The following NRXN3 variants were observed in gnomAD, a reference collection of about 807,000 sequenced individuals.
NRXN3 encodes the protein neurexin 3, also known as neurexin III.
In NRXN3, 32 loss-of-function variants were observed where a neutral mutation model predicts 137.6. That is an observed-to-expected ratio of 0.23 (90% CI 0.18 to 0.31). The LOEUF (loss-of-function observed/expected upper bound fraction) is 0.31, where lower values mean the gene tolerates loss of function less well. Among genes scored for constraint, NRXN3 ranks in the 10% least tolerant of loss-of-function variants. The probability of loss-of-function intolerance (pLI) is 1.00; values close to 1 mark genes in which losing one functional copy is unlikely to be tolerated. For missense variants in NRXN3, 1,574 were observed against 2,062.5 expected, an observed-to-expected ratio of 0.76 and a Z score of 4.59; for synonymous variants, 798 against 784.5, an observed-to-expected ratio of 1.02 and a Z score of -0.29.
At chr14:79,612,355 T>C (rs1033866034) in intron 16 of NRXN3, among the ~76,000 whole-genome samples, 2 of 152,172 alleles carry the variant, frequency 1.3e-5, no homozygotes, top group East Asian at 1.9e-4. Context: ...GGCTAACACA[T>C]TTCCAGTGGA....
intron 16 of NRXN3, among the ~76,000 whole-genome samples, chr14:79,547,848 G>A (rs190967772): frequency 3.2e-3 from 487 of 152,186 alleles, no homozygotes; most frequent in African/African-American, 5.5e-3. Context: ...ATGGCCTATC[G>A]TTTTGAATTT....
intron 15 of NRXN3, among the ~76,000 whole-genome samples, chr14:79,218,472 A>G (rs2068925245): frequency 6.6e-6 from 1 of 152,188 alleles, no homozygotes; most frequent in African/African-American, 2.4e-5. Flanking sequence ...TGGAGTATAT[A>G]GGAATGAACA....
At chr14:79,552,471 T>C (rs574587067) in intron 16 of NRXN3, among the ~76,000 whole-genome samples, 3 of 152,228 alleles carry the variant, frequency 2.0e-5, no homozygotes, top group South Asian at 2.1e-4. Context: ...GAAGGGACTT[T>C]TAAGTTTGCT....
At chr14:78,522,563 C>T (rs1241170809) in intron 4 of NRXN3, among the ~76,000 whole-genome samples, 1 of 152,020 alleles carries the variant, frequency 6.6e-6, no homozygotes, top group Non-Finnish European at 1.5e-5. Flanking sequence ...ATCTTTTTTT[C>T]CTTTGCACCA....
chr14:79,768,534 G>C (rs929999722), intron 19 of NRXN3, among the ~76,000 whole-genome samples: 1 of 152,076 alleles, frequency 6.6e-6, no homozygotes, highest in African/African-American at 2.4e-5. Context: ...ACATGGCAGG[G>C]TACTCCAACG....
intron 10 of NRXN3, among the ~76,000 whole-genome samples, chr14:78,838,416 A>G (rs1199387068): frequency 6.6e-6 from 1 of 152,322 alleles, no homozygotes; most frequent in East Asian, 1.9e-4. Flanking sequence ...ATATAAAATT[A>G]AAATCCTATG....
chr14:78,877,803 C>T (rs2099117386), intron 10 of NRXN3, among the ~76,000 whole-genome samples: 1 of 152,032 alleles, frequency 6.6e-6, no homozygotes, highest in Non-Finnish European at 1.5e-5. Flanking sequence ...TTCATTCATC[C>T]CATTATTTAA....
At chr14:78,172,636 C>G (rs375365798) in intron 1 of NRXN3, among the ~76,000 whole-genome samples, 29 of 152,162 alleles carry the variant, frequency 1.9e-4, no homozygotes, top group African/African-American at 6.7e-4. Flanking sequence ...TCCTGCGAGT[C>G]AGTCTTCCTT....
intron 4 of NRXN3, among the ~76,000 whole-genome samples, chr14:78,380,360 T>G: frequency 6.6e-6 from 1 of 151,048 alleles, no homozygotes. Flanking sequence ...CTGGAATCTG[T>G]GAATGCTACC....
chr14:79,385,204 T>C (rs1249701315), intron 15 of NRXN3, among the ~76,000 whole-genome samples: 11 of 90,542 alleles, frequency 1.2e-4, no homozygotes, highest in African/African-American at 1.8e-4. Flanking sequence ...ATGCTATCCT[T>C]CCCCCCGCCC....
At chr14:79,075,106 G>A (rs1260261506) in intron 15 of NRXN3, among the ~76,000 whole-genome samples, 1 of 152,070 alleles carries the variant, frequency 6.6e-6, no homozygotes, top group South Asian at 2.1e-4. Context: ...AAATCAAATG[G>A]TGTCAGAGCT....
intron 8 of NRXN3, among the ~76,000 whole-genome samples, chr14:78,761,014 C>T (rs2098690690): frequency 2.0e-5 from 3 of 152,146 alleles, no homozygotes; most frequent in Non-Finnish European, 1.5e-5. Flanking sequence ...TTCTGAGCAA[C>T]TCATGTTTCA....
Position 79,520,120 on chromosome 14 carries a change from T to C in NRXN3, c.3444+52718T>C, listed in dbSNP as rs537415718. 1.8e-3 allele frequency among the ~76,000 whole-genome samples: 280 copies of C among 152,236 alleles called. 1 individual carries two copies. The highest frequency in any genetic ancestry group is 6.1e-3 in the African/African-American group (254 of 41,562). Reference sequence around the variant, plus strand: ...TCTGACACCTTCATTGCGAATTTCATCTTTTAACATTTTAAACAAAAAGGT... The same window carrying C: ...TCTGACACCTTCATTGCGAATTTCACCTTTTAACATTTTAAACAAAAAGGT... On this transcript the variant is annotated intron_variant, in intron 16 of 20. Transcript: ENST00000335750.
At chr14:78,577,501 T>C (rs1319269688) in intron 4 of NRXN3, among the ~76,000 whole-genome samples, 2 of 152,200 alleles carry the variant, frequency 1.3e-5, no homozygotes, top group Non-Finnish European at 2.9e-5. Flanking sequence ...GTTTTGCTCT[T>C]GTTGCCCAGG....
intron 15 of NRXN3, among the ~76,000 whole-genome samples, chr14:79,452,174 A>T (rs1413586276): frequency 6.6e-6 from 1 of 152,158 alleles, no homozygotes. Flanking sequence ...CACATGGGGT[A>T]TGCCAAAATC....
chr14:78,196,570 A>C (rs966290017), intron 1 of NRXN3, among the ~76,000 whole-genome samples: 8 of 152,220 alleles, frequency 5.3e-5, no homozygotes, highest in African/African-American at 1.7e-4. Context: ...ATGGTGTAGC[A>C]AATCTCATTC....
At chr14:78,844,551 A>T (rs1416133689) in intron 10 of NRXN3, among the ~76,000 whole-genome samples, 3 of 152,088 alleles carry the variant, frequency 2.0e-5, no homozygotes, top group African/African-American at 7.2e-5. Flanking sequence ...ATAACGCCTA[A>T]TTTACAGGGT....
intron 15 of NRXN3, among the ~76,000 whole-genome samples, chr14:78,997,152 G>C (rs1475825858): frequency 6.6e-6 from 1 of 152,138 alleles, no homozygotes; most frequent in Non-Finnish European, 1.5e-5. Flanking sequence ...AATAAGCTGG[G>C]ACTCATAGGT....
At chr14:79,369,662 A>T (rs539630928) in intron 15 of NRXN3, among the ~76,000 whole-genome samples, 1 of 152,124 alleles carries the variant, frequency 6.6e-6, no homozygotes, top group Admixed American at 6.5e-5. Flanking sequence ...TCATGGACAG[A>T]TGTTACCCCT....
Sources: gnomAD v4.1 joint callset for allele counts (sites outside exome capture counted in the v4.1 genomes callset) on GRCh38, gnomAD v4.1.1 for gene constraint, MANE v1.5 for transcripts, NCBI Gene and HGNC (gene_info 2026-07-23, HGNC 2026-07-21) for gene names.